Variants in DEFB1 observed in about 807,000 individuals in gnomAD.
The protein encoded by DEFB1 is defensin beta 1, also known as beta-defensin 1.
Under a neutral mutation model 2.6 loss-of-function variants are expected in DEFB1, and 4 were observed. That is an observed-to-expected ratio of 1.53 (90% CI 0.76 to 3.51). DEFB1 has a LOEUF of 3.51. Among genes scored for constraint, DEFB1 ranks in the 30% most tolerant of loss-of-function variants. DEFB1 has a pLI of 0.01. For synonymous variants in DEFB1, 56 were observed against 28.5 expected (o/e 1.96, Z -3.07); for missense variants, 162 against 76.9 (o/e 2.11, Z -4.14).
intron 1 of DEFB1, among the ~76,000 whole-genome samples, chr8:6,873,994 C>T (rs568281929): frequency 1.7e-4 from 26 of 152,244 alleles, no homozygotes; most frequent in Admixed American, 2.0e-4. Context: ...TATTGCTGTG[C>T]CTGTGTCTGT....
intron 1 of DEFB1, among the ~76,000 whole-genome samples, chr8:6,874,160 C>T (rs1159730563): frequency 6.6e-6 from 1 of 151,194 alleles, no homozygotes; most frequent in African/African-American, 2.4e-5. Flanking sequence ...CACACACGCA[C>T]ATGTGCACTT....
intron 1 of DEFB1, among the ~76,000 whole-genome samples, chr8:6,876,890 C>T (rs1563398947): frequency 6.7e-6 from 1 of 149,536 alleles, no homozygotes; most frequent in Non-Finnish European, 1.5e-5. Flanking sequence ...CAACTGGCAG[C>T]ATGAAAAGTT....
At chr8:6,875,988 G>A (rs1262045354) in intron 1 of DEFB1, among the ~76,000 whole-genome samples, 1 of 152,082 alleles carries the variant, frequency 6.6e-6, no homozygotes, top group Non-Finnish European at 1.5e-5. Context: ...AGATATAATA[G>A]ACTGAAAACA....
chr8:6,870,682 C>G lies in DEFB1; in HGVS notation c.206G>C (p.Ter69SerextTer8), dbSNP rs1326463713. 9 of 1,613,588 alleles carry G rather than the reference C, an allele frequency of 5.6e-6. No homozygotes were observed. Among genetic ancestry groups the G allele is most frequent in the Non-Finnish European group, 7.6e-6 (9 of 1,179,920 alleles). ...TCATTTCTTCTGGTCACTCCCAGCT[C>G]ACTTGCAGCACTTGGCCTTCCCTCT... Reference protein sequence around the residue: ...CYRGKAKCCK* With the variant: ...CYRGKAKCCKS Residue 69 changes from the stop codon to serine, a stop_lost, in exon 2 of 2, where the codon TGA becomes TCA. Coordinates refer to ENST00000297439, the MANE Select transcript of DEFB1 (RefSeq NM_005218.4).
chr8:6,871,161 A>G (rs1326690190), intron 1 of DEFB1, among the ~76,000 whole-genome samples: 2 of 152,148 alleles, frequency 1.3e-5, no homozygotes, highest in Non-Finnish European at 2.9e-5. Flanking sequence ...ACACCCCAAA[A>G]TCACATCCTG....
intron 1 of DEFB1, among the ~76,000 whole-genome samples, chr8:6,871,479 G>A (rs771800604): frequency 5.3e-5 from 8 of 152,136 alleles, no homozygotes; most frequent in African/African-American, 1.4e-4. Flanking sequence ...AGTCGCCTGT[G>A]ATATTCCTGG....
intron 1 of DEFB1, among the ~76,000 whole-genome samples, chr8:6,874,901 G>GAACC (rs972149871): frequency 6.6e-6 from 1 of 151,902 alleles, no homozygotes; most frequent in African/African-American, 2.4e-5. Flanking sequence ...AGAATCCCTT[G>GAACC]AACCTGGGAG....
rs779725983 is a variant in DEFB1, at chr8:6,870,702, C to A, written c.186G>T (p.Gly62=). 1 of 1,614,180 alleles carries A rather than the reference C, an allele frequency of 6.2e-7. No homozygotes were observed. ...FTKIQGTCYR[G]KAKCCK ...CAGCTCACTTGCAGCACTTGGCCTT[C>A]CCTCTGTAACAGGTGCCTTGAATTT... The change falls in exon 2 of 2, where the codon GGG becomes GGT. Residue 62 remains glycine (G), a synonymous_variant. Transcript: ENST00000297439.
rs1251937394 is a variant in DEFB1, at chr8:6,871,488, G to T, written c.62-662C>A. Among the ~76,000 whole-genome samples, 4 of 152,232 alleles carry T rather than the reference G, an allele frequency of 2.6e-5. No homozygotes were observed. The East Asian group carries it at 7.7e-4, about 29-fold the overall frequency. The stretch of plus-strand genomic sequence containing the variant: ...GGGAACAGTCGCCTGTGATATTCCT[G>T]GCGAGGGACCAGCAGGCCGCCATGT... On this transcript the variant is annotated intron_variant, in intron 1 of 1. Transcript: ENST00000297439.
intron 1 of DEFB1, 31 bp from the exon 2 acceptor site, chr8:6,870,857 T>G (rs1328420055): frequency 6.3e-7 from 1 of 1,581,110 alleles, no homozygotes; most frequent in East Asian, 2.3e-5. Flanking sequence ...CACTTCAGAC[T>G]CATGGCTTGT....
At chr8:6,874,671 A>G (rs1041157051) in intron 1 of DEFB1, among the ~76,000 whole-genome samples, 8 of 152,300 alleles carry the variant, frequency 5.3e-5, no homozygotes, top group African/African-American at 1.9e-4. Flanking sequence ...AACAGTGGGG[A>G]AAAATAGTCT....
rs5743423 is a variant in DEFB1, at chr8:6,877,312, C to T, written c.61+485G>A. On this transcript the variant is annotated intron_variant, in intron 1 of 1. Transcript: ENST00000297439. ...GCATTTCTCAGGAGAGGGAGAGGACCGCCTGCCTGCACAGGAGGTGAGTCC... is the reference window on the plus strand; with the variant it reads ...GCATTTCTCAGGAGAGGGAGAGGACTGCCTGCCTGCACAGGAGGTGAGTCC... Among the ~76,000 whole-genome samples the T allele has an allele frequency of 4.7e-4, 71 of 152,294 alleles. No individual in the cohort carries two copies. The East Asian group carries it at 0.01, about 22-fold the overall frequency.
Position 6,871,326 on chromosome 8 carries a change from C to G in DEFB1, c.62-500G>C, listed in dbSNP as rs192596851. ...GCTGAAATCTAGGATCGTTTCACAT[C>G]GGGCTGAAATTATGGTTACTCTCTA... is the stretch of plus-strand genomic sequence containing the variant. On this transcript the variant is annotated intron_variant, in intron 1 of 1. Coordinates refer to ENST00000297439, the MANE Select transcript of DEFB1 (RefSeq NM_005218.4). Among the ~76,000 whole-genome samples the G allele has an allele frequency of 2.6e-5, 4 of 152,238 alleles. No homozygotes were observed. In the East Asian group the frequency reaches 7.7e-4, roughly 29 times the overall value.
chr8:6,874,911 G>A (rs181527924), intron 1 of DEFB1, among the ~76,000 whole-genome samples: 1 of 152,042 alleles, frequency 6.6e-6, no homozygotes, highest in East Asian at 1.9e-4. Flanking sequence ...GAACCTGGGA[G>A]GGAGGGGTTG....
chr8:6,870,847 C>T (rs759604850), intron 1 of DEFB1, 21 bp from the exon 2 acceptor site: 7 of 1,603,928 alleles, frequency 4.4e-6, no homozygotes, highest in Non-Finnish European at 6.0e-6. Flanking sequence ...GGAACACAAA[C>T]ACTTCAGACT....
intron 1 of DEFB1, among the ~76,000 whole-genome samples, chr8:6,872,538 A>C (rs369695576): frequency 4.5e-4 from 68 of 152,246 alleles, no homozygotes; most frequent in African/African-American, 1.5e-3. Flanking sequence ...GAGAATGAAG[A>C]GGTTTGGGAA....
At chr8:6,871,126 A>C (rs928908523) in intron 1 of DEFB1, among the ~76,000 whole-genome samples, 1 of 152,208 alleles carries the variant, frequency 6.6e-6, no homozygotes, top group Non-Finnish European at 1.5e-5. Flanking sequence ...TATTTTTCCA[A>C]ACAAGTTTTC....
chr8:6,872,188 C>T (rs372752686), intron 1 of DEFB1, among the ~76,000 whole-genome samples: 3 of 151,982 alleles, frequency 2.0e-5, no homozygotes, highest in Admixed American at 1.3e-4. Flanking sequence ...AGTTTGAAGC[C>T]TGGTATCAAT....
At chr8:6,877,775 T>C in intron 1 of DEFB1, 22 bp downstream of exon 1, 1 of 1,610,162 alleles carries the variant, frequency 6.2e-7, no homozygotes, top group Non-Finnish European at 8.5e-7. Context: ...GATGGGAAAC[T>C]CTTGCAGGTA....
Sources: gnomAD v4.1 joint callset for allele counts (sites outside exome capture counted in the v4.1 genomes callset) on GRCh38, gnomAD v4.1.1 for gene constraint, MANE v1.5 for transcripts, NCBI Gene and HGNC (gene_info 2026-07-23, HGNC 2026-07-21) for gene names.